NKAIN2: variants seen among roughly 807,000 people sequenced by gnomAD.
NKAIN2 encodes sodium/potassium transporting ATPase interacting 2.
Under a neutral mutation model 32.6 loss-of-function variants are expected in NKAIN2, and 14 were observed. The ratio of observed to expected loss-of-function variants is 0.43; its 90% CI spans 0.28 to 0.67. NKAIN2 has a LOEUF of 0.67. NKAIN2 is among the 30% of genes least tolerant of loss of function. The pLI, the probability that NKAIN2 is intolerant of heterozygous loss-of-function variation, is 0.17. For synonymous variants in NKAIN2, 80 were observed against 87.2 expected, an observed-to-expected ratio of 0.92 and a Z score of 0.46; for missense variants, 198 against 258.3, an observed-to-expected ratio of 0.77 and a Z score of 1.60.
At chr6:124,332,270 AAGAG>A (rs941906605) in intron 2 of NKAIN2, among the ~76,000 whole-genome samples, 88 of 151,664 alleles carry the variant, frequency 5.8e-4, no homozygotes, top group Non-Finnish European at 5.5e-4. Context: ...GAGAAAGAGA[AAGAG>A]AGAGAGTGTA....
intron 1 of NKAIN2, among the ~76,000 whole-genome samples, chr6:124,153,913 G>A (rs1015246993): frequency 7.0e-6 from 1 of 143,620 alleles, no homozygotes; most frequent in East Asian, 2.1e-4. Flanking sequence ...CAGATGGAAA[G>A]CATTCATATG....
intron 1 of NKAIN2, among the ~76,000 whole-genome samples, chr6:123,861,302 T>G (rs140976740): frequency 8.5e-5 from 13 of 152,338 alleles, no homozygotes; most frequent in African/African-American, 3.1e-4. Flanking sequence ...ATTTTAGAGG[T>G]CAGAAGCAAA....
chr6:124,472,522 A>G (rs1777015433), intron 3 of NKAIN2, among the ~76,000 whole-genome samples: 3 of 152,208 alleles, frequency 2.0e-5, no homozygotes, highest in South Asian at 4.2e-4. Context: ...GCATCTCACC[A>G]GGAAACGGGG....
chr6:124,635,006 A>C (rs1018071605), intron 3 of NKAIN2, among the ~76,000 whole-genome samples: 1 of 151,778 alleles, frequency 6.6e-6, no homozygotes, highest in African/African-American at 2.4e-5. Context: ...GAAAAAAGAA[A>C]AGAAAAAGAC....
Position 124,293,889 on chromosome 6 carries a change from T to G in NKAIN2, c.192+10747T>G, listed in dbSNP as rs924231250. Among the ~76,000 whole-genome samples the G allele has an allele frequency of 2.6e-5, 4 of 152,072 alleles. No homozygotes were observed. In the East Asian group the frequency reaches 7.7e-4, roughly 29 times the overall value. On this transcript the variant is annotated intron_variant, in intron 2 of 6. Coordinates refer to ENST00000368417, the MANE Select transcript of NKAIN2 (RefSeq NM_001040214.3). ...TTCCAAGATAATGGGAAGAGGCAAGTAGGCACCATTTCCAGGATATTTGCT... is the reference window on the plus strand; with the variant it reads ...TTCCAAGATAATGGGAAGAGGCAAGGAGGCACCATTTCCAGGATATTTGCT...
chr6:124,106,274 TAGC>T (rs745668583), intron 1 of NKAIN2, among the ~76,000 whole-genome samples: 1 of 152,158 alleles, frequency 6.6e-6, no homozygotes, highest in Non-Finnish European at 1.5e-5. Context: ...TGGCTTCTAT[TAGC>T]AGTAAATTGA....
At chr6:123,851,807 GA>G (rs1775358935) in intron 1 of NKAIN2, among the ~76,000 whole-genome samples, 1 of 152,104 alleles carries the variant, frequency 6.6e-6, no homozygotes, top group Non-Finnish European at 1.5e-5. Flanking sequence ...AGAGTTCTTT[GA>G]GATCCTTATT....
chr6:123,918,991 C>T (rs1775622583), intron 1 of NKAIN2, among the ~76,000 whole-genome samples: 1 of 152,050 alleles, frequency 6.6e-6, no homozygotes, highest in Non-Finnish European at 1.5e-5. Flanking sequence ...CTCTCTGTCT[C>T]TCTGTCTCTC....
chr6:124,552,165 CTACTATGA>C (rs1284447799), intron 3 of NKAIN2, among the ~76,000 whole-genome samples: 2 of 152,154 alleles, frequency 1.3e-5, no homozygotes, highest in South Asian at 2.1e-4. Flanking sequence ...TTTCAATGAC[CTACTATGA>C]TACTATGAGT....
In NKAIN2 at chr6:124,709,790, T is replaced by A. The variant is rs571056274; in HGVS notation, c.474+51404T>A. 1.5e-3 allele frequency among the ~76,000 whole-genome samples: 223 copies of A among 151,892 alleles called. 2 individuals carry two copies. Among genetic ancestry groups the A allele is most frequent in the African/African-American group, 5.1e-3 (211 of 41,432 alleles). The stretch of plus-strand genomic sequence containing the variant: ...TCCTTTCAAAAAACCAGCTCCTGGA[T>A]TCATTAATTTTTTGAAGGGTTTTTT... On this transcript the variant is annotated intron_variant, in intron 4 of 6. Coordinates refer to ENST00000368417, the MANE Select transcript of NKAIN2 (RefSeq NM_001040214.3).
chr6:124,165,410 A>G (rs1296009203), intron 1 of NKAIN2, among the ~76,000 whole-genome samples: 1 of 152,002 alleles, frequency 6.6e-6, no homozygotes, highest in Non-Finnish European at 1.5e-5. Context: ...ATTTTATTCA[A>G]TTTCCTTTTT....
chr6:124,168,833 G>A (rs1434340192), intron 1 of NKAIN2, among the ~76,000 whole-genome samples: 1 of 152,058 alleles, frequency 6.6e-6, no homozygotes. Flanking sequence ...GATGTAAGGT[G>A]AATGATACTT....
At chr6:124,175,702 C>T (rs936026878) in intron 1 of NKAIN2, among the ~76,000 whole-genome samples, 1 of 152,132 alleles carries the variant, frequency 6.6e-6, no homozygotes, top group African/African-American at 2.4e-5. Context: ...CTTCTGTTTA[C>T]AGGATGAACC....
intron 1 of NKAIN2, among the ~76,000 whole-genome samples, chr6:123,939,119 A>T (rs574474371): frequency 6.6e-6 from 1 of 152,084 alleles, no homozygotes; most frequent in East Asian, 1.9e-4. Context: ...GTTTGCAAGG[A>T]TCTAGACACA....
chr6:124,074,532 T>C (rs1783603533), intron 1 of NKAIN2, among the ~76,000 whole-genome samples: 1 of 152,156 alleles, frequency 6.6e-6, no homozygotes, highest in African/African-American at 2.4e-5. Context: ...CTAGGGGTCC[T>C]CCCAGGCAGG....
intron 1 of NKAIN2, among the ~76,000 whole-genome samples, chr6:123,885,222 C>G (rs868319365): frequency 3.3e-5 from 5 of 152,040 alleles, no homozygotes; most frequent in African/African-American, 1.2e-4. Flanking sequence ...TCAAATAGTT[C>G]CAGTGTGATT....
chr6:124,169,915 G>T (rs1252854522), intron 1 of NKAIN2, among the ~76,000 whole-genome samples: 3 of 152,096 alleles, frequency 2.0e-5, no homozygotes, highest in Non-Finnish European at 4.4e-5. Context: ...AAAATGGTCA[G>T]CTTGGGCCGA....
chr6:124,621,401 GCTGAATTCAGT>G (rs1783101738), intron 3 of NKAIN2, among the ~76,000 whole-genome samples: 1 of 152,220 alleles, frequency 6.6e-6, no homozygotes, highest in Non-Finnish European at 1.5e-5. Context: ...ATACAGCACA[GCTGAATTCAGT>G]CTTTCTTCTC....
At chr6:124,454,573 A>G (rs1776249050) in intron 3 of NKAIN2, among the ~76,000 whole-genome samples, 1 of 152,094 alleles carries the variant, frequency 6.6e-6, no homozygotes, top group Non-Finnish European at 1.5e-5. Context: ...GTGAGCAAAG[A>G]TGAAAGGTCT....
Sources: allele counts gnomAD v4.1 joint callset (sites outside exome capture counted in the v4.1 genomes callset), GRCh38; gene constraint gnomAD v4.1.1; transcripts MANE v1.5; gene names NCBI Gene and HGNC (gene_info 2026-07-23, HGNC 2026-07-21).